The following FBXL17 variants were observed in gnomAD, a reference collection of about 807,000 sequenced individuals.
The protein encoded by FBXL17 is F-box and leucine rich repeat protein 17.
Under a neutral mutation model 66.2 loss-of-function variants are expected in FBXL17, and 22 were observed. The ratio of observed to expected loss-of-function variants is 0.33; its 90% confidence interval spans 0.24 to 0.47. The LOEUF is 0.47. FBXL17 is among the 20% of genes least tolerant of loss of function. The pLI is 1.00. For missense variants in FBXL17, 878 were observed against 948.2 expected, an observed-to-expected ratio of 0.93 and a Z score of 0.97; for synonymous variants, 474 against 400.5, an observed-to-expected ratio of 1.18 and a Z score of -2.19.
intron 7 of FBXL17, among the ~76,000 whole-genome samples, chr5:107,935,451 T>C (rs190695298): frequency 6.6e-6 from 1 of 151,436 alleles, no homozygotes; most frequent in Non-Finnish European, 1.5e-5. Flanking sequence ...GTGCGCGCCT[T>C]ATCTCAAAAT....
chr5:108,362,785 C>T (rs908903106), intron 3 of FBXL17, among the ~76,000 whole-genome samples: 1 of 152,060 alleles, frequency 6.6e-6, no homozygotes, highest in Non-Finnish European at 1.5e-5. Flanking sequence ...TCAAAAGGCA[C>T]ACATATTTGG....
At chr5:108,245,460 G>A (rs200926523) in intron 4 of FBXL17, among the ~76,000 whole-genome samples, 34 of 151,866 alleles carry the variant, frequency 2.2e-4, no homozygotes, top group Middle Eastern at 3.4e-3. Context: ...CAAGAAAACC[G>A]ATCATCAAAA....
chr5:108,208,118 T>C (rs183592002), intron 5 of FBXL17, among the ~76,000 whole-genome samples: 29 of 152,350 alleles, frequency 1.9e-4, no homozygotes, highest in Admixed American at 5.2e-4. Context: ...AATGTCTCCT[T>C]TGAGAAGTGT....
At chr5:108,368,005 C>A in intron 1 of FBXL17, 52 bp from the exon 2 acceptor site, 1 of 1,486,952 alleles carries the variant, frequency 6.7e-7, no homozygotes, top group South Asian at 1.3e-5. Context: ...TTTCAAGGCA[C>A]AGGAAAAGGT....
At chr5:108,135,668 AG>A (rs1470848196) in intron 6 of FBXL17, among the ~76,000 whole-genome samples, 1 of 152,144 alleles carries the variant, frequency 6.6e-6, no homozygotes, top group African/African-American at 2.4e-5. Flanking sequence ...AGGGGAAAAA[AG>A]GTCTTTGTTC....
At chr5:108,356,028 AATGG>A (rs1407606962) in intron 3 of FBXL17, among the ~76,000 whole-genome samples, 3 of 152,198 alleles carry the variant, frequency 2.0e-5, no homozygotes, top group Non-Finnish European at 2.9e-5. Flanking sequence ...ATTAAAAGTA[AATGG>A]ATGAAGAAAG....
intron 4 of FBXL17, among the ~76,000 whole-genome samples, chr5:108,261,756 A>G (rs1216806896): frequency 2.0e-5 from 3 of 151,514 alleles, no homozygotes; most frequent in African/African-American, 7.2e-5. Flanking sequence ...AACTAAACAC[A>G]AGCTTAAAAA....
chr5:108,334,759 A>G (rs979529708), intron 4 of FBXL17, among the ~76,000 whole-genome samples: 6 of 152,250 alleles, frequency 3.9e-5, no homozygotes, highest in East Asian at 1.9e-4. Flanking sequence ...CAAAGGACAC[A>G]ATACATTGTA....
intron 7 of FBXL17, among the ~76,000 whole-genome samples, chr5:107,949,607 C>T (rs889205795): frequency 2.0e-5 from 3 of 152,120 alleles, no homozygotes; most frequent in African/African-American, 4.8e-5. Context: ...TGGCTCTTCA[C>T]AGGGAAAGTT....
intron 6 of FBXL17, among the ~76,000 whole-genome samples, chr5:108,098,052 T>C (rs1309086385): frequency 1.3e-5 from 2 of 152,120 alleles, no homozygotes. Flanking sequence ...TAGTACACAC[T>C]TCTTAAATGA....
At chr5:107,870,601 T>G (rs944458310) in intron 8 of FBXL17, among the ~76,000 whole-genome samples, 1 of 151,928 alleles carries the variant, frequency 6.6e-6, no homozygotes, top group African/African-American at 2.4e-5. Context: ...CTTTTTTTTT[T>G]TTTTGAGATG....
intron 5 of FBXL17, among the ~76,000 whole-genome samples, chr5:108,223,591 C>T (rs1754967697): frequency 6.6e-6 from 1 of 152,146 alleles, no homozygotes; most frequent in Non-Finnish European, 1.5e-5. Context: ...AGAGATGACA[C>T]ATCAGTGAGA....
intron 7 of FBXL17, among the ~76,000 whole-genome samples, chr5:107,887,408 T>G (rs1749010267): frequency 6.6e-6 from 1 of 152,170 alleles, no homozygotes; most frequent in African/African-American, 2.4e-5. Flanking sequence ...GACCTGCATG[T>G]GCCGTTTTGT....
intron 4 of FBXL17, among the ~76,000 whole-genome samples, chr5:108,295,958 C>CA (rs1758331045): frequency 1.6e-5 from 1 of 60,710 alleles, no homozygotes; most frequent in African/African-American, 5.4e-5. Flanking sequence ...GAAAATTAAA[C>CA]AAAACCAAAA....
intron 6 of FBXL17, among the ~76,000 whole-genome samples, chr5:108,064,189 T>A (rs1455380441): frequency 6.6e-6 from 1 of 152,188 alleles, no homozygotes; most frequent in African/African-American, 2.4e-5. Flanking sequence ...CACACCTATA[T>A]TTATGTCAGT....
chr5:108,249,977 T>A (rs955708505), intron 4 of FBXL17, among the ~76,000 whole-genome samples: 3 of 152,098 alleles, frequency 2.0e-5, no homozygotes, highest in African/African-American at 7.2e-5. Context: ...GCAACACATT[T>A]TTGGCATGCA....
At chr5:108,064,408 G>A (rs1042501295) in intron 6 of FBXL17, among the ~76,000 whole-genome samples, 1 of 152,126 alleles carries the variant, frequency 6.6e-6, no homozygotes, top group South Asian at 2.1e-4. Flanking sequence ...TAAAGTAGGG[G>A]AGACCATGAT....
chr5:107,989,975 T>C (rs1208484086), intron 7 of FBXL17, among the ~76,000 whole-genome samples: 2 of 152,168 alleles, frequency 1.3e-5, no homozygotes, highest in Non-Finnish European at 2.9e-5. Flanking sequence ...TTTTCTTCTC[T>C]TCCCCTAACC....
chr5:108,285,911 T>C (rs943164543), intron 4 of FBXL17, among the ~76,000 whole-genome samples: 4 of 151,538 alleles, frequency 2.6e-5, no homozygotes, highest in Non-Finnish European at 4.4e-5. Flanking sequence ...CAGTAAACCA[T>C]ATCCAGCAGC....
Sources: gnomAD v4.1 joint callset for allele counts (sites outside exome capture counted in the v4.1 genomes callset) on GRCh38, gnomAD v4.1.1 for gene constraint, MANE v1.5 for transcripts, NCBI Gene and HGNC (gene_info 2026-07-23, HGNC 2026-07-21) for gene names.